HS6ST2: variants seen among roughly 807,000 people sequenced by gnomAD.
The protein encoded by HS6ST2 is heparan sulfate 6-O-sulfotransferase 2.
In HS6ST2, 17 loss-of-function variants were observed where a neutral mutation model predicts 33.0. The observed-to-expected ratio is 0.52, with a 90% CI of 0.35 to 0.77. HS6ST2 has a LOEUF of 0.77. Among genes scored for constraint, HS6ST2 ranks in the 30% least tolerant of loss-of-function variants. The pLI, the probability that HS6ST2 is intolerant of heterozygous loss-of-function variation, is 0.01. For synonymous variants in HS6ST2, 248 were observed against 237.1 expected, an observed-to-expected ratio of 1.05 and a Z score of -0.42; for missense variants, 519 against 551.7, an observed-to-expected ratio of 0.94 and a Z score of 0.59.
chrX:132,819,992 G>C (rs970443702), intron 2 of HS6ST2, among the ~76,000 whole-genome samples: 1 of 112,432 alleles, frequency 8.9e-6, no homozygotes, highest in African/African-American at 3.2e-5. Flanking sequence ...CACTTCACGG[G>C]GGTGGGGGTG....
chrX:132,665,085 G>GA lies in HS6ST2; in HGVS notation c.1067+4027dup, dbSNP rs1213496681. ...AACCAGAGATACCATTATTTTAGAA[G>GA]AAAAAATGAAGCAGTTGAGAAGTAC... On this transcript the variant is annotated intron_variant, in intron 4 of 4. Coordinates refer to ENST00000370833, the MANE Select transcript of HS6ST2 (RefSeq NM_001394073.1). 7.1e-5 allele frequency among the ~76,000 whole-genome samples: 8 copies of GA among 111,947 alleles called. No individual in the cohort carries two copies. In the Admixed American group the frequency reaches 7.6e-4, roughly 11 times the overall value.
intron 4 of HS6ST2, among the ~76,000 whole-genome samples, chrX:132,644,004 T>C (rs2063622115): frequency 1.8e-5 from 2 of 111,922 alleles, no homozygotes; most frequent in Admixed American, 1.9e-4. Context: ...AGCTTAATTC[T>C]CAGAAATAGT....
At chrX:132,948,065 C>T (rs1300355366) in intron 2 of HS6ST2, among the ~76,000 whole-genome samples, 1 of 111,844 alleles carries the variant, frequency 8.9e-6, no homozygotes, top group Non-Finnish European at 1.9e-5. Context: ...TGTATTCGCA[C>T]AGAACAGTGC....
chrX:132,744,557 T>C (rs185876539), intron 2 of HS6ST2, among the ~76,000 whole-genome samples: 127 of 112,376 alleles, frequency 1.1e-3, no homozygotes, highest in African/African-American at 4.0e-3. Context: ...CCTCCCAAGT[T>C]ATAGCACTGT....
At chrX:132,697,781 T>G (rs1164478080) in intron 3 of HS6ST2, among the ~76,000 whole-genome samples, 4 of 111,874 alleles carry the variant, frequency 3.6e-5, no homozygotes, top group Non-Finnish European at 7.5e-5. Flanking sequence ...AAATTCAATG[T>G]GAGCTCCATA....
At chrX:132,924,122 A>G (rs953016473) in intron 2 of HS6ST2, among the ~76,000 whole-genome samples, 1 of 112,531 alleles carries the variant, frequency 8.9e-6, no homozygotes, top group Non-Finnish European at 1.9e-5. Flanking sequence ...CAGGTATGGC[A>G]CATAAGCTAA....
intron 2 of HS6ST2, among the ~76,000 whole-genome samples, chrX:132,803,402 C>T (rs1017776277): frequency 9.0e-6 from 1 of 111,018 alleles, no homozygotes; most frequent in Admixed American, 9.6e-5. Context: ...AGGCAGCAGA[C>T]GTGCTTTATT....
At chrX:132,771,191 G>A (rs139960198) in intron 2 of HS6ST2, among the ~76,000 whole-genome samples, 2,461 of 111,972 alleles carry the variant, frequency 0.022, 29 homozygotes, top group Non-Finnish European at 0.035. Context: ...AATATGCAAC[G>A]AGTGAAAGAA....
At chrX:132,652,945 T>G (rs1190914616) in intron 4 of HS6ST2, among the ~76,000 whole-genome samples, 2 of 111,860 alleles carry the variant, frequency 1.8e-5, no homozygotes, top group Non-Finnish European at 3.8e-5. Context: ...ACTTAGATTT[T>G]TTTTTTAACT....
At chrX:132,863,142 C>T (rs914653817) in intron 2 of HS6ST2, among the ~76,000 whole-genome samples, 1 of 111,938 alleles carries the variant, frequency 8.9e-6, no homozygotes, top group Admixed American at 9.5e-5. Flanking sequence ...CTCTGTTCTC[C>T]ATGGAACATT....
chrX:132,708,607 C>G, intron 2 of HS6ST2, 113 bp from the exon 3 acceptor site: 2 of 636,948 alleles, frequency 3.1e-6, no homozygotes, highest in Non-Finnish European at 4.9e-6. Flanking sequence ...CTTCCCAAAC[C>G]TTAGGGAAAC....
At chrX:132,818,899 A>G (rs1017561578) in intron 2 of HS6ST2, among the ~76,000 whole-genome samples, 15 of 112,082 alleles carry the variant, frequency 1.3e-4, no homozygotes, top group Non-Finnish European at 2.1e-4. Flanking sequence ...TTAATTAAGT[A>G]TGCCACTGAA....
intron 2 of HS6ST2, among the ~76,000 whole-genome samples, chrX:132,865,651 C>T (rs1375356681): frequency 9.0e-6 from 1 of 111,522 alleles, no homozygotes; most frequent in African/African-American, 3.3e-5. Flanking sequence ...TGTTTCCTGA[C>T]TTTTTAATGA....
chrX:132,755,104 A>G (rs1410463371), intron 2 of HS6ST2, among the ~76,000 whole-genome samples: 1 of 112,267 alleles, frequency 8.9e-6, no homozygotes, highest in Non-Finnish European at 1.9e-5. Context: ...CAGAGAATCT[A>G]CACAAATTAT....
In HS6ST2 at chrX:132,788,112, A is replaced by T. The variant is rs944250621; in HGVS notation, c.948-79618T>A. Among the ~76,000 whole-genome samples the T allele has an allele frequency of 5.4e-5, 6 of 111,378 alleles. No individual in the cohort carries two copies. The East Asian group carries it at 1.4e-3, about 26-fold the overall frequency. On this transcript the variant is annotated intron_variant, in intron 2 of 4. Transcript: ENST00000370833. ...CCAAAAGCATATTCAGAAAGTAGAGACAAGCATACCTCATTTCATTGTGCC... is the reference window on the plus strand; with the variant it reads ...CCAAAAGCATATTCAGAAAGTAGAGTCAAGCATACCTCATTTCATTGTGCC...
At chrX:132,905,857 C>T (rs1433487020) in intron 2 of HS6ST2, among the ~76,000 whole-genome samples, 1 of 111,307 alleles carries the variant, frequency 9.0e-6, no homozygotes, top group African/African-American at 3.3e-5. Context: ...GACACTGTGT[C>T]TATGAAAAAA....
chrX:132,715,181 T>A (rs2064262704), intron 2 of HS6ST2, among the ~76,000 whole-genome samples: 1 of 111,676 alleles, frequency 9.0e-6, no homozygotes, highest in Non-Finnish European at 1.9e-5. Flanking sequence ...ATGTCTGTAT[T>A]CCCAACACTT....
In HS6ST2 at chrX:132,736,822, G is replaced by A. The variant is rs185015705; in HGVS notation, c.948-28328C>T. The stretch of plus-strand genomic sequence containing the variant: ...GGGCCTGAGTATCTTATATAAATAC[G>A]AGATTCCTCCTTGCCCCTCTTGAAA... On this transcript the variant is annotated intron_variant, in intron 2 of 4. Transcript: ENST00000370833. 1.7e-3 allele frequency among the ~76,000 whole-genome samples: 189 copies of A among 111,957 alleles called. 1 individual carries two copies. The highest frequency in any genetic ancestry group is 2.8e-3 in the Non-Finnish European group (148 of 53,189).
intron 4 of HS6ST2, among the ~76,000 whole-genome samples, chrX:132,661,663 C>T (rs2063774533): frequency 8.9e-6 from 1 of 112,139 alleles, no homozygotes; most frequent in South Asian, 3.7e-4. Flanking sequence ...TCCCAGCAGG[C>T]TTCTTTTTTC....
Sources: allele counts gnomAD v4.1 joint callset (sites outside exome capture counted in the v4.1 genomes callset), GRCh38; gene constraint gnomAD v4.1.1; transcripts MANE v1.5; gene names NCBI Gene and HGNC (gene_info 2026-07-23, HGNC 2026-07-21).